The following ST7 variants were observed in gnomAD, a reference collection of about 807,000 sequenced individuals.
ST7 encodes the protein suppression of tumorigenicity 7.
Under a neutral mutation model 78.7 loss-of-function variants are expected in ST7, and 28 were observed. The ratio of observed to expected loss-of-function variants is 0.36; its 90% CI spans 0.26 to 0.49. The LOEUF is 0.49. Ranked by LOEUF, ST7 falls within the 20% of genes least tolerant of loss-of-function variation. The pLI, the probability that ST7 is intolerant of heterozygous loss-of-function variation, is 0.99. For missense variants in ST7, 418 were observed against 696.0 expected (o/e 0.60, Z 4.49); for synonymous variants, 247 against 249.6 (o/e 0.99, Z 0.10).
intron 10 of ST7, among the ~76,000 whole-genome samples, chr7:117,179,408 G>A (rs1424909735): frequency 6.6e-5 from 10 of 152,194 alleles, no homozygotes; most frequent in Admixed American, 6.5e-4. Context: ...CATGTACGCA[G>A]GACAGGGAAG....
At chr7:117,147,139 C>G (rs1014773585) in intron 9 of ST7, among the ~76,000 whole-genome samples, 6 of 152,018 alleles carry the variant, frequency 3.9e-5, no homozygotes, top group African/African-American at 1.2e-4. Context: ...CATTTTTGCT[C>G]TATGTACCTC....
intron 2 of ST7, among the ~76,000 whole-genome samples, chr7:117,106,153 C>T (rs532934572): frequency 4.6e-5 from 7 of 152,136 alleles, no homozygotes; most frequent in Non-Finnish European, 8.8e-5. Flanking sequence ...CGCCTGCCAC[C>T]GCGCCGGGCT....
chr7:117,167,996 A>G (rs79940825), intron 9 of ST7, among the ~76,000 whole-genome samples: 7 of 152,128 alleles, frequency 4.6e-5, no homozygotes, highest in Non-Finnish European at 8.8e-5. Flanking sequence ...TCTCTAAGAT[A>G]GCTTGTTTGA....
chr7:117,024,706 A>G (rs1476435167), intron 1 of ST7, among the ~76,000 whole-genome samples: 1 of 152,224 alleles, frequency 6.6e-6, no homozygotes, highest in Admixed American at 6.5e-5. Flanking sequence ...ACCTGAGCTT[A>G]GTGGAGATGA....
chr7:117,008,827 G>A (rs1795262083), intron 1 of ST7, among the ~76,000 whole-genome samples: 1 of 152,166 alleles, frequency 6.6e-6, no homozygotes, highest in Non-Finnish European at 1.5e-5. Context: ...AACAGGGTTT[G>A]GCAAACTGTA....
At chr7:117,145,014 A>G (rs569147052) in intron 9 of ST7, among the ~76,000 whole-genome samples, 287 of 152,222 alleles carry the variant, frequency 1.9e-3, no homozygotes, top group African/African-American at 6.6e-3. Flanking sequence ...AGCGTGGGCA[A>G]CGTGGTAAAA....
At chr7:117,155,606 G>C (rs986007206) in intron 9 of ST7, among the ~76,000 whole-genome samples, 2 of 152,138 alleles carry the variant, frequency 1.3e-5, no homozygotes, top group African/African-American at 4.8e-5. Flanking sequence ...TGGTTCATAG[G>C]CCTCCCCTTG....
chr7:117,004,517 C>T (rs752838979), intron 1 of ST7, among the ~76,000 whole-genome samples: 18 of 152,000 alleles, frequency 1.2e-4, no homozygotes, highest in Non-Finnish European at 8.8e-5. Flanking sequence ...TAAAATTAGT[C>T]GGGTGTGGTG....
At chr7:117,199,539 A>G (rs7802396) in intron 12 of ST7, among the ~76,000 whole-genome samples, 103,266 of 152,036 alleles carry the variant, frequency 0.68, 35,442 homozygotes, top group East Asian at 0.92. Context: ...CATCCCTGCA[A>G]CTTTACTTCA....
chr7:117,020,854 T>C (rs1333553684), intron 1 of ST7, among the ~76,000 whole-genome samples: 1 of 151,972 alleles, frequency 6.6e-6, no homozygotes, highest in African/African-American at 2.4e-5. Context: ...AAGAGGGAGG[T>C]AGGAAAACCA....
rs1421047021 is a variant in ST7 at position 117,152,184 on chromosome 7, TATATATATATATATA to T, written c.963+13653_963+13667del. 3.0e-3 allele frequency among the ~76,000 whole-genome samples: 205 copies of T among 68,182 alleles called. 5 individuals carry two copies. The highest frequency in any genetic ancestry group is 0.01 in the East Asian group (32 of 3,124). 44.7% of individuals were successfully genotyped at this position (68,182 alleles called of 152,430 possible). A position where few individuals can be genotyped will look rare whatever the true frequency, so the allele number is the denominator to read the frequency against. On this transcript the variant is annotated intron_variant, in intron 9 of 15. Coordinates refer to ENST00000323984, the MANE Select transcript of ST7 (RefSeq NM_001369598.1). ...GTATTATATATATAAAAACTATATA[TATATATATATATATA>T]TATATATATATATATATATATATAC...
intron 12 of ST7, 36 bp from the exon 13 acceptor site, chr7:117,209,751 G>T: frequency 1.9e-6 from 3 of 1,600,096 alleles, no homozygotes. Context: ...AATTACTTAG[G>T]TATTAACACA....
chr7:117,141,672 T>C (rs1563115671), intron 9 of ST7, among the ~76,000 whole-genome samples: 1 of 152,102 alleles, frequency 6.6e-6, no homozygotes, highest in Non-Finnish European at 1.5e-5. Context: ...TCTTTTCTTT[T>C]TTTCTTTTTC....
At chr7:117,036,825 C>T (rs998146967) in intron 1 of ST7, among the ~76,000 whole-genome samples, 18 of 152,284 alleles carry the variant, frequency 1.2e-4, no homozygotes, top group Non-Finnish European at 2.5e-4. Flanking sequence ...GTAGAAAGCC[C>T]TAGTTGCTTG....
Position 116,966,251 on chromosome 7 carries a change from T to C in ST7, c.151+12560T>C, listed in dbSNP as rs561538671. 437 of 258,026 alleles carry C rather than the reference T, an allele frequency of 1.7e-3. 2 individuals carry two copies. The highest frequency in any genetic ancestry group is 5.9e-3 in the African/African-American group (252 of 42,408). The allele number at this position is 258,026 out of a possible 1,614,324, so 16.0% of individuals were successfully genotyped here. A position where few individuals can be genotyped will look rare whatever the true frequency, so the allele number is the denominator to read the frequency against. ...TTGCTTTTTTCTTTTTTCTTTCTTT[T>C]TTTTTTTTTTTTTTTTAAGATAGGA... On this transcript the variant is annotated intron_variant, in intron 1 of 15. Coordinates refer to ENST00000323984, the MANE Select transcript of ST7 (RefSeq NM_001369598.1).
intron 10 of ST7, among the ~76,000 whole-genome samples, chr7:117,172,076 A>G (rs1474327452): frequency 6.6e-6 from 1 of 151,990 alleles, no homozygotes; most frequent in South Asian, 2.1e-4. Context: ...TCAGCCTCCC[A>G]AGTGACTAGG....
chr7:117,111,157 A>G (rs975046797), intron 2 of ST7, among the ~76,000 whole-genome samples: 2 of 152,134 alleles, frequency 1.3e-5, no homozygotes, highest in African/African-American at 4.8e-5. Flanking sequence ...TTCAGCCACT[A>G]TCCTTTTCTG....
intron 1 of ST7, among the ~76,000 whole-genome samples, chr7:117,031,097 A>G (rs1796451413): frequency 1.3e-5 from 2 of 152,142 alleles, no homozygotes; most frequent in African/African-American, 4.8e-5. Flanking sequence ...AAGAAAACCA[A>G]ATACTGCATG....
chr7:117,174,541 T>G (rs1808223974), intron 10 of ST7, among the ~76,000 whole-genome samples: 1 of 152,178 alleles, frequency 6.6e-6, no homozygotes, highest in South Asian at 2.1e-4. Flanking sequence ...AAATATGATG[T>G]GAATTCTACA....
Sources: gnomAD v4.1 joint callset for allele counts (sites outside exome capture counted in the v4.1 genomes callset) on GRCh38, gnomAD v4.1.1 for gene constraint, MANE v1.5 for transcripts, NCBI Gene and HGNC (gene_info 2026-07-23, HGNC 2026-07-21) for gene names.